The following APAF1 variants were observed in gnomAD, a reference collection of about 807,000 sequenced individuals.
APAF1 encodes the protein apoptotic protease-activating factor 1.
APAF1 carries 91 observed loss-of-function variants against 152.4 expected under a neutral mutation model. That is an observed-to-expected ratio of 0.60 (90% CI 0.50 to 0.71). The LOEUF (loss-of-function observed/expected upper bound fraction) is 0.71. Among genes scored for constraint, APAF1 ranks in the 30% least tolerant of loss-of-function variants. The pLI, the probability that APAF1 is intolerant of heterozygous loss-of-function variation, is 0.00. For synonymous variants in APAF1, 484 were observed against 494.1 expected (o/e 0.98, Z 0.27); for missense variants, 1,283 against 1,472.0 (o/e 0.87, Z 2.10).
At chr12:98,671,496 C>T in intron 11 of APAF1, 39 bp from the exon 12 acceptor site, 1 of 1,564,676 alleles carries the variant, frequency 6.4e-7, no homozygotes, top group African/African-American at 1.4e-5. Flanking sequence ...CAGATCGTGG[C>T]TCTGATTGTG....
chr12:98,714,463 G>A (rs557202780), intron 21 of APAF1, among the ~76,000 whole-genome samples: 24 of 152,160 alleles, frequency 1.6e-4, no homozygotes, highest in African/African-American at 4.1e-4. Flanking sequence ...CTGGATGTTC[G>A]ATGTTGTTAT....
At chr12:98,649,414 G>GT in intron 3 of APAF1, 73 bp from the exon 4 acceptor site, 1 of 1,548,742 alleles carries the variant, frequency 6.5e-7, no homozygotes, top group Non-Finnish European at 8.9e-7. Context: ...TTTGCTCTTT[G>GT]TTTTTTATGG....
intron 14 of APAF1, among the ~76,000 whole-genome samples, chr12:98,681,596 C>T (rs2097692293): frequency 6.6e-6 from 1 of 152,080 alleles, no homozygotes; most frequent in South Asian, 2.1e-4. Context: ...CTGAAGTTTT[C>T]ACCTACTGGA....
intron 4 of APAF1, among the ~76,000 whole-genome samples, chr12:98,651,205 A>G (rs1360727532): frequency 1.3e-5 from 2 of 152,200 alleles, no homozygotes; most frequent in African/African-American, 4.8e-5. Flanking sequence ...TTCACGGCTT[A>G]TTATAGTAGA....
At chr12:98,671,887 G>A (rs951021378) in intron 12 of APAF1, among the ~76,000 whole-genome samples, 168 bp downstream of exon 12, 4 of 152,182 alleles carry the variant, frequency 2.6e-5, no homozygotes, top group Admixed American at 6.5e-5. Context: ...AAGCATAGGA[G>A]AAAATGATTG....
chr12:98,673,732 C>G (rs188526613), intron 12 of APAF1, among the ~76,000 whole-genome samples: 1 of 151,980 alleles, frequency 6.6e-6, no homozygotes, highest in Non-Finnish European at 1.5e-5. Context: ...TTGAGTTTCT[C>G]TACTGTGCTA....
intron 20 of APAF1, 85 bp from the exon 21 acceptor site, chr12:98,712,234 T>A: frequency 1.3e-6 from 1 of 797,304 alleles, no homozygotes; most frequent in Non-Finnish European, 2.2e-6. Flanking sequence ...TGTTTTATTT[T>A]ATTTTTTTCA....
At chr12:98,730,859 C>T (rs1321314266) in intron 26 of APAF1, among the ~76,000 whole-genome samples, 1 of 152,214 alleles carries the variant, frequency 6.6e-6, no homozygotes, top group Non-Finnish European at 1.5e-5. Flanking sequence ...AAGTTCTTAA[C>T]TTCCAAATTA....
At chr12:98,670,105 C>G (rs549889334) in intron 10 of APAF1, among the ~76,000 whole-genome samples, 50 of 151,936 alleles carry the variant, frequency 3.3e-4, no homozygotes, top group Non-Finnish European at 6.5e-4. Context: ...CCACCACACC[C>G]GGCTAATTTT....
At chr12:98,725,656 A>G in intron 25 of APAF1, 116 bp downstream of exon 25, 1 of 1,398,974 alleles carries the variant, frequency 7.1e-7, no homozygotes, top group East Asian at 2.3e-5. Context: ...TTGTGGTTGG[A>G]TGAGGCATTC....
At chr12:98,649,720 T>A in intron 4 of APAF1, 36 bp downstream of exon 4, 1 of 1,558,636 alleles carries the variant, frequency 6.4e-7, no homozygotes, top group East Asian at 2.3e-5. Context: ...TCTAGTAAGG[T>A]AGATAGACAT....
chr12:98,709,930 C>T (rs548015798), intron 20 of APAF1, among the ~76,000 whole-genome samples: 2 of 152,222 alleles, frequency 1.3e-5, no homozygotes, highest in Non-Finnish European at 2.9e-5. Flanking sequence ...GGCTGGAGTG[C>T]AGTGGCACGA....
At chr12:98,706,263 G>C (rs2097721288) in intron 18 of APAF1, among the ~76,000 whole-genome samples, 2 of 151,984 alleles carry the variant, frequency 1.3e-5, no homozygotes, top group South Asian at 4.2e-4. Context: ...TTATTCAGTT[G>C]GTTCCCTATT....
chr12:98,662,000 T>C (rs926126440), intron 5 of APAF1, among the ~76,000 whole-genome samples: 2 of 152,162 alleles, frequency 1.3e-5, no homozygotes, highest in African/African-American at 4.8e-5. Flanking sequence ...TTACAACATA[T>C]GAAATTGCTA....
chr12:98,653,518 G>GT (rs898090458), intron 4 of APAF1, among the ~76,000 whole-genome samples: 1 of 150,444 alleles, frequency 6.6e-6, no homozygotes, highest in African/African-American at 2.4e-5. Flanking sequence ...TTTGCTGGGC[G>GT]TGGTGGCGCA....
chr12:98,648,977 C>T, intron 3 of APAF1, 162 bp downstream of exon 3: 1 of 808,606 alleles, frequency 1.2e-6, no homozygotes, highest in South Asian at 1.5e-5. Context: ...TTATTTGCAT[C>T]CACATTAACT....
chr12:98,734,557 G>A lies in APAF1; in HGVS notation c.*1991G>A, dbSNP rs900764990. On this transcript the variant is annotated 3_prime_UTR_variant, in exon 27 of 27. Transcript: ENST00000551964. ...TGGTGCATATTAGTATAACTGTGGG[G>A]TAGGTCGGGGAGAGGGTAAGGGAAT... The A allele has an allele frequency of 6.6e-6, 1 of 152,590 alleles. No homozygotes were observed. Among genetic ancestry groups the A allele is most frequent in the Non-Finnish European group, 1.5e-5 (1 of 68,038 alleles). 9.5% of individuals were successfully genotyped at this position (152,590 alleles called of 1,614,324 possible). A position where few individuals can be genotyped will look rare whatever the true frequency, so the allele number is the denominator to read the frequency against.
intron 26 of APAF1, among the ~76,000 whole-genome samples, chr12:98,730,651 A>G (rs932020875): frequency 2.6e-5 from 4 of 152,210 alleles, no homozygotes; most frequent in Non-Finnish European, 4.4e-5. Flanking sequence ...TAGCTTATTC[A>G]ACTGATTATG....
chr12:98,717,915 T>TG (rs2097736821), intron 22 of APAF1, among the ~76,000 whole-genome samples: 1 of 152,302 alleles, frequency 6.6e-6, no homozygotes, highest in South Asian at 2.1e-4. Context: ...TATCTTCAGG[T>TG]CTTTTGTCTT....
Sources: gnomAD v4.1 joint callset for allele counts (sites outside exome capture counted in the v4.1 genomes callset) on GRCh38, gnomAD v4.1.1 for gene constraint, MANE v1.5 for transcripts, NCBI Gene and HGNC (gene_info 2026-07-23, HGNC 2026-07-21) for gene names.